The following ERAP1 variants were observed in gnomAD, a reference collection of about 807,000 sequenced individuals.
ERAP1 encodes adipocyte-derived leucine aminopeptidase.
In ERAP1, 86 loss-of-function variants were observed where a neutral mutation model predicts 103.7. That is an observed-to-expected ratio of 0.83 (90% CI 0.70 to 0.99). ERAP1 has a LOEUF of 0.99. Ranked by LOEUF, ERAP1 falls within the 50% of genes least tolerant of loss-of-function variation. ERAP1 has a pLI of 0.00. For missense variants in ERAP1, 1,009 were observed against 1,128.4 expected (o/e 0.89, Z 1.52); for synonymous variants, 398 against 402.4 (o/e 0.99, Z 0.13).
chr5:96,909,832 G>T, the ERAP1 span: 1 of 1,503,108 alleles, frequency 6.7e-7, no homozygotes, highest in Non-Finnish European at 9.1e-7. Flanking sequence ...GATCAAGCAA[G>T]ACATTAGGTC....
At chr5:96,791,231 C>T (rs938007416) in intron 8 of ERAP1, among the ~76,000 whole-genome samples, 1 of 152,174 alleles carries the variant, frequency 6.6e-6, no homozygotes. Flanking sequence ...ACTCCCATTA[C>T]CACGGATGGT....
chr5:96,868,169 A>G, the ERAP1 span, among the ~76,000 whole-genome samples: 4 of 152,202 alleles, frequency 2.6e-5, no homozygotes, highest in African/African-American at 9.6e-5. Flanking sequence ...AAATGTATAC[A>G]ATCAGTTCTC....
At position 96,788,562 on chromosome 5, in the gene ERAP1, T is replaced by A; in HGVS notation, c.1648A>T (p.Met550Leu). ...RNVHMKQEHY[M>L]KGSDGAPDTG... ...TCCGGGGCGCCGTCAGAGCCCTTCA[T>A]GTAGTGCTCTTGCTTCATGTGTACA... is the stretch of plus-strand genomic sequence containing the variant. The change falls in exon 11 of 19, where the codon ATG (methionine) becomes TTG (leucine). Residue 550 changes from methionine (M) to leucine (L), a missense_variant. Physicochemically the swap from Met to Leu is conservative, Grantham distance 15 (BLOSUM62 2). Transcript: ENST00000443439. 6.2e-7 allele frequency: 1 copy of A among 1,614,174 alleles called. No individual in the cohort carries two copies. The highest frequency in any genetic ancestry group is 8.5e-7 in the Non-Finnish European group (1 of 1,180,012).
chr5:96,813,596 T>C, the ERAP1 span, among the ~76,000 whole-genome samples: 5 of 118,946 alleles, frequency 4.2e-5, no homozygotes, highest in Non-Finnish European at 6.4e-5. Context: ...GAGGTTGCAG[T>C]GAACCAAGAT....
chr5:96,850,024 T>C, the ERAP1 span, among the ~76,000 whole-genome samples: 1 of 152,152 alleles, frequency 6.6e-6, no homozygotes, highest in Non-Finnish European at 1.5e-5. Flanking sequence ...TAAATGGCAT[T>C]AGGAAAACTG....
the ERAP1 span, among the ~76,000 whole-genome samples, chr5:96,916,727 C>T: frequency 0.041 from 6,118 of 151,060 alleles, 396 homozygotes; most frequent in African/African-American, 0.14. Flanking sequence ...TTTGGCCTCC[C>T]GAAGTGCTGG....
the ERAP1 span, among the ~76,000 whole-genome samples, chr5:96,905,662 T>A: frequency 1.3e-5 from 2 of 152,138 alleles, no homozygotes; most frequent in African/African-American, 4.8e-5. Context: ...AGCAGGCAGA[T>A]CACTTGAAGC....
chr5:96,859,430 C>T, the ERAP1 span, among the ~76,000 whole-genome samples: 9 of 152,162 alleles, frequency 5.9e-5, no homozygotes, highest in East Asian at 1.2e-3. Flanking sequence ...GCTCCCAGAC[C>T]GTTTGTGCTG....
the ERAP1 span, among the ~76,000 whole-genome samples, chr5:96,897,045 G>T: frequency 4.4e-5 from 3 of 68,402 alleles, no homozygotes; most frequent in East Asian, 1.6e-3. Context: ...AGGATGTCAC[G>T]CTGGGGTGGC....
intron 1 of ERAP1, among the ~76,000 whole-genome samples, chr5:96,807,413 C>T (rs529873729): frequency 6.6e-6 from 1 of 152,340 alleles, no homozygotes; most frequent in Admixed American, 6.5e-5. Flanking sequence ...GCCAGCTGCC[C>T]GCCCCACCCC....
At chr5:96,787,724 T>C (rs566402892) in intron 11 of ERAP1, among the ~76,000 whole-genome samples, 1 of 151,824 alleles carries the variant, frequency 6.6e-6, no homozygotes, top group South Asian at 2.1e-4. Flanking sequence ...GGATATCGAT[T>C]AATCAAGATT....
At chr5:96,856,365 T>TATATAGAGAGAG in the ERAP1 span, among the ~76,000 whole-genome samples, 83 of 20,366 alleles carry the variant, frequency 4.1e-3, 2 homozygotes, top group African/African-American at 7.9e-3. Flanking sequence ...TATATATATA[T>TATATAGAGAGAG]AGAGAGAGAG....
chr5:96,894,616 A>G, the ERAP1 span, among the ~76,000 whole-genome samples: 1 of 152,194 alleles, frequency 6.6e-6, no homozygotes, highest in African/African-American at 2.4e-5. Context: ...AAGGGTAAAT[A>G]TGTCAATTAT....
At chr5:96,790,767 T>C (rs1029975568) in intron 8 of ERAP1, 124 bp from the exon 9 acceptor site, 3 of 856,660 alleles carry the variant, frequency 3.5e-6, no homozygotes, top group African/African-American at 3.4e-5. Flanking sequence ...TGTTAATGTC[T>C]GGCAATTTGT....
At chr5:96,916,706 G>A in the ERAP1 span, among the ~76,000 whole-genome samples, 1 of 150,866 alleles carries the variant, frequency 6.6e-6, no homozygotes, top group African/African-American at 2.4e-5. Flanking sequence ...CTGACCTCGT[G>A]ATCCACCCAC....
the ERAP1 span, chr5:96,915,675 T>C: frequency 9.3e-6 from 14 of 1,500,832 alleles, no homozygotes; most frequent in African/African-American, 1.4e-4. Flanking sequence ...ATGGTGTTTC[T>C]TTTTATTTTC....
chr5:96,859,015 A>T, the ERAP1 span, among the ~76,000 whole-genome samples: 7,331 of 151,836 alleles, frequency 0.048, 218 homozygotes, highest in South Asian at 0.1. Context: ...CAATTCCAAA[A>T]GAAAAAGATG....
chr5:96,789,348 G>A (rs1173590997), intron 10 of ERAP1, among the ~76,000 whole-genome samples: 1 of 152,112 alleles, frequency 6.6e-6, no homozygotes, highest in Non-Finnish European at 1.5e-5. Flanking sequence ...TTAACCGGGT[G>A]TAGTGGCGTG....
At position 96,780,448 on chromosome 5, in the gene ERAP1, A is replaced by G; in HGVS notation, c.2645T>C (p.Phe882Ser). Residue 882 changes from phenylalanine (F) to serine (S), a missense_variant, in exon 18 of 19, where the codon TTC (phenylalanine) becomes TCC (serine). This residue lies in a region of ERAP1 where 611 missense variants were observed against 651.7 expected (regional missense o/e 0.94). Transcript: ENST00000443439. ...AHMVMGTTNQ[F>S]STRTRLEEVK... Reference sequence around the variant, plus strand: ...CTCTTCAAGCCGTGTTCTTGTGGAGAATTGATTTGTTGTACCCATTACCAT... The same window carrying G: ...CTCTTCAAGCCGTGTTCTTGTGGAGGATTGATTTGTTGTACCCATTACCAT... The G allele has an allele frequency of 6.2e-7, 1 of 1,612,194 alleles. No individual in the cohort carries two copies.
Sources: allele counts gnomAD v4.1 joint callset (sites outside exome capture counted in the v4.1 genomes callset), GRCh38; gene constraint gnomAD v4.1.1; regional missense constraint gnomAD v4.1.1; transcripts MANE v1.5; gene names NCBI Gene and HGNC (gene_info 2026-07-23, HGNC 2026-07-21).